The following TRPM3 variants were observed in gnomAD, a reference collection of about 807,000 sequenced individuals.
TRPM3 encodes long transient receptor potential channel 3.
TRPM3 carries 77 observed loss-of-function variants against 181.2 expected under a neutral mutation model. The observed-to-expected ratio is 0.42, with a 90% confidence interval of 0.35 to 0.51. The LOEUF is 0.51. Among genes scored for constraint, TRPM3 ranks in the 20% least tolerant of loss-of-function variants. The pLI, the probability that TRPM3 is intolerant of heterozygous loss-of-function variation, is 0.01. For missense variants in TRPM3, 1,759 were observed against 2,196.7 expected, an observed-to-expected ratio of 0.80 and a Z score of 3.98; for synonymous variants, 745 against 796.4, an observed-to-expected ratio of 0.94 and a Z score of 1.09.
chr9:71,088,520 A>G (rs531645457), intron 1 of TRPM3, among the ~76,000 whole-genome samples: 20 of 152,206 alleles, frequency 1.3e-4, no homozygotes, highest in African/African-American at 4.8e-4. Context: ...TTGGTTAACA[A>G]ATATTTCCAA....
At chr9:70,773,880 C>T (rs936818338) in intron 7 of TRPM3, among the ~76,000 whole-genome samples, 4 of 152,090 alleles carry the variant, frequency 2.6e-5, no homozygotes, top group Non-Finnish European at 5.9e-5. Flanking sequence ...TTTCATGATT[C>T]GATGCACTAC....
At chr9:71,173,313 C>T (rs1386986654) in intron 1 of TRPM3, among the ~76,000 whole-genome samples, 2 of 152,090 alleles carry the variant, frequency 1.3e-5, no homozygotes, top group African/African-American at 4.8e-5. Context: ...CCTGCAACTG[C>T]TACCATGTAT....
chr9:71,063,780 G>A (rs904567597), intron 1 of TRPM3, among the ~76,000 whole-genome samples: 3 of 152,134 alleles, frequency 2.0e-5, no homozygotes, highest in African/African-American at 7.2e-5. Flanking sequence ...CATTCCTCTT[G>A]CTGATAAAGA....
chr9:71,083,952 G>A (rs2064844647), intron 1 of TRPM3, among the ~76,000 whole-genome samples: 1 of 151,724 alleles, frequency 6.6e-6, no homozygotes, highest in South Asian at 2.1e-4. Flanking sequence ...TAAATTTCCT[G>A]GCATAGGGCA....
intron 1 of TRPM3, among the ~76,000 whole-genome samples, chr9:70,933,548 T>C (rs7031033): frequency 3.8e-4 from 58 of 152,226 alleles, no homozygotes; most frequent in African/African-American, 1.3e-3. Flanking sequence ...GAGCCATCTA[T>C]GGAGTGGAAT....
chr9:70,917,013 C>G, intron 1 of TRPM3: 1 of 1,571,310 alleles, frequency 6.4e-7, no homozygotes, highest in Non-Finnish European at 8.7e-7. Context: ...CTGGGACAAA[C>G]AAGGTGAGTG....
chr9:70,805,534 GAAAAAAAAAAA>G (rs534322844), intron 6 of TRPM3, among the ~76,000 whole-genome samples: 9 of 82,692 alleles, frequency 1.1e-4, no homozygotes, highest in Admixed American at 3.0e-4. Context: ...ACTCCATCTC[GAAAAAAAAAAA>G]AAAAAAAAAA....
intron 1 of TRPM3, among the ~76,000 whole-genome samples, chr9:70,903,834 T>G (rs2096421813): frequency 6.6e-6 from 1 of 152,198 alleles, no homozygotes; most frequent in South Asian, 2.1e-4. Flanking sequence ...AAATGTTCGT[T>G]TAACAATCCA....
intron 25 of TRPM3, among the ~76,000 whole-genome samples, chr9:70,543,657 G>C (rs2044100248): frequency 6.6e-6 from 1 of 151,994 alleles, no homozygotes; most frequent in East Asian, 1.9e-4. Flanking sequence ...GTCACTTTTT[G>C]GATCTAGGTA....
At chr9:70,925,308 G>A (rs2096710053) in intron 1 of TRPM3, among the ~76,000 whole-genome samples, 1 of 152,128 alleles carries the variant, frequency 6.6e-6, no homozygotes, top group African/African-American at 2.4e-5. Context: ...AACAATGTGT[G>A]TTCGAGAGTA....
chr9:71,239,224 TA>T (rs1429377450), intron 1 of TRPM3, among the ~76,000 whole-genome samples: 2 of 152,206 alleles, frequency 1.3e-5, no homozygotes, highest in Non-Finnish European at 2.9e-5. Context: ...AGAACAAGTT[TA>T]CTAGTACAAT....
rs540785528 is a variant in TRPM3 at position 71,186,162 on chromosome 9, G to C, written c.183+260491C>G. On this transcript the variant is annotated intron_variant, in intron 1 of 24. Transcript: ENST00000357533. ...CATCTTTTTATAAGGATGCCAATCA[G>C]ATTAGACTAGGAGCCCATCCTGCTC... Among the ~76,000 whole-genome samples the C allele has an allele frequency of 2.6e-5, 4 of 152,084 alleles. No individual in the cohort carries two copies. The East Asian group carries it at 7.8e-4, about 29-fold the overall frequency.
intron 1 of TRPM3, among the ~76,000 whole-genome samples, chr9:71,397,202 C>A (rs981495178): frequency 6.6e-6 from 1 of 152,114 alleles, no homozygotes; most frequent in African/African-American, 2.4e-5. Context: ...ATCATTTTTG[C>A]AGCTACTATT....
At chr9:70,772,171 T>C (rs2080409394) in intron 7 of TRPM3, among the ~76,000 whole-genome samples, 1 of 152,168 alleles carries the variant, frequency 6.6e-6, no homozygotes, top group Non-Finnish European at 1.5e-5. Context: ...TCCAATATGG[T>C]AGCTGTTACT....
At chr9:71,190,864 C>T (rs2134997532) in intron 1 of TRPM3, among the ~76,000 whole-genome samples, 1 of 151,868 alleles carries the variant, frequency 6.6e-6, no homozygotes, top group East Asian at 1.9e-4. Context: ...GTTCAAATTC[C>T]TAGACCAGCA....
At chr9:71,143,084 C>G (rs1031766082) in intron 1 of TRPM3, among the ~76,000 whole-genome samples, 1 of 148,166 alleles carries the variant, frequency 6.7e-6, no homozygotes, top group African/African-American at 2.5e-5. Flanking sequence ...ATGATCACAT[C>G]ACTGCACTCT....
chr9:71,147,424 G>GACACACACACACACACAC (rs34795244), intron 1 of TRPM3, among the ~76,000 whole-genome samples: 1,452 of 145,022 alleles, frequency 0.01, 12 homozygotes, highest in Non-Finnish European at 0.014. Flanking sequence ...GCAACACACA[G>GACACACACACACACACAC]ACACACACAC....
intron 1 of TRPM3, among the ~76,000 whole-genome samples, chr9:71,357,256 T>G (rs2091939247): frequency 6.6e-6 from 1 of 152,170 alleles, no homozygotes; most frequent in Non-Finnish European, 1.5e-5. Flanking sequence ...ATGGTGTTAT[T>G]TCTAAAGAAG....
intron 1 of TRPM3, among the ~76,000 whole-genome samples, chr9:71,103,740 A>G (rs1177510945): frequency 6.6e-6 from 1 of 152,202 alleles, no homozygotes; most frequent in Admixed American, 6.5e-5. Flanking sequence ...ACAAGTTTTT[A>G]TCTCCAGCAT....
Sources: gnomAD v4.1 joint callset for allele counts (sites outside exome capture counted in the v4.1 genomes callset) on GRCh38, gnomAD v4.1.1 for gene constraint, MANE v1.5 for transcripts, NCBI Gene and HGNC (gene_info 2026-07-23, HGNC 2026-07-21) for gene names.